The following CLASP1 variants were observed in gnomAD, a reference collection of about 807,000 sequenced individuals.
CLASP1 encodes CLIP-associating protein 1.
A neutral mutation model predicts 192.3 loss-of-function variants in CLASP1; 38 were observed. That is an observed-to-expected ratio of 0.20 (90% CI 0.15 to 0.26). The LOEUF is 0.26. Ranked by LOEUF, CLASP1 falls within the 10% of genes least tolerant of loss-of-function variation. The pLI, the probability that CLASP1 is intolerant of heterozygous loss-of-function variation, is 1.00. For missense variants in CLASP1, 1,433 were observed against 1,932.5 expected, an observed-to-expected ratio of 0.74 and a Z score of 4.85; for synonymous variants, 691 against 712.8, an observed-to-expected ratio of 0.97 and a Z score of 0.49.
exon 39 of CLASP1, chr2:121,347,053 C>T (rs1211675216): frequency 6.4e-7 from 1 of 1,572,524 alleles, no homozygotes. Flanking sequence ...TCCCTGTGAG[C>T]TGTGCAAGGT....
intron 2 of CLASP1, among the ~76,000 whole-genome samples, chr2:121,572,748 G>C (rs899320930): frequency 4.4e-5 from 6 of 137,362 alleles, no homozygotes; most frequent in African/African-American, 2.0e-4. Flanking sequence ...ATATATATAT[G>C]ATAATTTTTT....
chr2:121,532,808 C>T (rs1306305466), intron 2 of CLASP1: 5 of 152,108 alleles, frequency 3.3e-5, no homozygotes, highest in Non-Finnish European at 7.4e-5. Context: ...AATACTGGCT[C>T]ATTAATTGTA....
intron 2 of CLASP1, among the ~76,000 whole-genome samples, chr2:121,562,267 G>A (rs1378508307): frequency 6.6e-6 from 1 of 152,194 alleles, no homozygotes; most frequent in Non-Finnish European, 1.5e-5. Context: ...CTCAGGGCCT[G>A]CCTGTGACCA....
At chr2:121,448,249 G>C in intron 18 of CLASP1, 27 bp downstream of exon 18, 1 of 1,602,684 alleles carries the variant, frequency 6.2e-7, no homozygotes, top group Non-Finnish European at 8.6e-7. Flanking sequence ...GCGGAGAACA[G>C]GCCTTCTCCA....
chr2:121,417,553 C>T (rs564817264), intron 23 of CLASP1, among the ~76,000 whole-genome samples: 1 of 152,252 alleles, frequency 6.6e-6, no homozygotes, highest in South Asian at 2.1e-4. Flanking sequence ...GTAAGGTGCC[C>T]CACTCAAGGG....
intron 39 of CLASP1, 122 bp from the exon 41 acceptor site, chr2:121,341,069 A>G (rs543171061): frequency 1.5e-6 from 1 of 688,796 alleles, no homozygotes; most frequent in African/African-American, 1.8e-5. Flanking sequence ...TTGGTTGAGG[A>G]ATTCATTATA....
intron 2 of CLASP1, among the ~76,000 whole-genome samples, chr2:121,538,967 A>C (rs2095165136): frequency 6.6e-6 from 1 of 152,206 alleles, no homozygotes; most frequent in Non-Finnish European, 1.5e-5. Flanking sequence ...AATCTAGCCA[A>C]AATAAATATC....
At chr2:121,455,723 G>A (rs375418783) in intron 14 of CLASP1, among the ~76,000 whole-genome samples, 114 of 152,272 alleles carry the variant, frequency 7.5e-4, no homozygotes, top group African/African-American at 2.5e-3. Context: ...AGCTGGGGGC[G>A]TGGTGGCGGA....
chr2:121,458,991 G>C lies in CLASP1; in HGVS notation c.1179-16C>G, dbSNP rs932740440. On this transcript the variant is annotated splice_polypyrimidine_tract_variant and intron_variant, in intron 12 of 39. Transcript: ENST00000263710. ...TGACAGATGCCTAAAACAAGAAAAG[G>C]ATACTGGACTATAGTTATTTTTCTT... The C allele has an allele frequency of 6.3e-7, 1 of 1,586,190 alleles. No homozygotes were observed. Among genetic ancestry groups the C allele is most frequent in the Non-Finnish European group, 8.6e-7 (1 of 1,167,134 alleles).
intron 26 of CLASP1, chr2:121,403,412 A>G (rs1227247210): frequency 2.2e-6 from 1 of 456,600 alleles, no homozygotes; most frequent in Non-Finnish European, 4.4e-6. Flanking sequence ...AATTCCTACG[A>G]GGAAGCAAGG....
intron 8 of CLASP1, among the ~76,000 whole-genome samples, chr2:121,478,771 C>CCACACACACCA (rs2092092654): frequency 2.3e-5 from 1 of 44,234 alleles, no homozygotes; most frequent in African/African-American, 7.5e-5. Context: ...ACCACACACC[C>CCACACACACCA]CACACACACA....
At chr2:121,461,263 G>A in intron 10 of CLASP1, 70 bp from the exon 11 acceptor site, 2 of 819,472 alleles carry the variant, frequency 2.4e-6, no homozygotes, top group Non-Finnish European at 3.9e-6. Context: ...TTAATTACAT[G>A]AAGTCAAGAA....
chr2:121,490,147 A>T (rs550097127), intron 8 of CLASP1: 1 of 342,624 alleles, frequency 2.9e-6, no homozygotes, highest in Non-Finnish European at 5.7e-6. Flanking sequence ...AACAACATTC[A>T]TAACAATCTT....
intron 8 of CLASP1, among the ~76,000 whole-genome samples, chr2:121,498,306 T>A (rs1208351096): frequency 6.9e-6 from 1 of 145,254 alleles, no homozygotes; most frequent in Non-Finnish European, 1.5e-5. Flanking sequence ...CAAGCGATCC[T>A]CCCACCTCAG....
chr2:121,482,953 G>A (rs1232009162), intron 8 of CLASP1, among the ~76,000 whole-genome samples: 4 of 152,174 alleles, frequency 2.6e-5, no homozygotes, highest in Admixed American at 1.3e-4. Context: ...AGCTGCTTCT[G>A]CTTCTCCCAC....
At position 121,402,966 on chromosome 2, in the gene CLASP1, C is replaced by T. The variant is rs987405338; in HGVS notation, c.2734-1096G>A. ...CAAGTGATTGCCTCCCAAGTAACTG[C>T]GATTACAGGTGCCCGCCACCATGCC... is the stretch of plus-strand genomic sequence containing the variant. On this transcript the variant is annotated intron_variant, in intron 26 of 39. Transcript: ENST00000263710. Among the ~76,000 whole-genome samples, 6 of 152,074 alleles carry T rather than the reference C, an allele frequency of 3.9e-5. No homozygotes were observed. The South Asian group carries it at 6.2e-4, about 16-fold the overall frequency.
intron 6 of CLASP1, among the ~76,000 whole-genome samples, chr2:121,517,858 C>CTTTTT (rs70954553): frequency 0.029 from 894 of 30,816 alleles, 122 homozygotes; most frequent in African/African-American, 0.049. Flanking sequence ...AAGACTCAAG[C>CTTTTT]TTTTTTTTTT....
chr2:121,417,146 A>T (rs1174020690), intron 23 of CLASP1, among the ~76,000 whole-genome samples: 2 of 152,180 alleles, frequency 1.3e-5, no homozygotes, highest in Non-Finnish European at 2.9e-5. Context: ...AGCTAAGCAG[A>T]TCCATTTAAT....
At chr2:121,478,909 A>ACAC (rs566286567) in intron 8 of CLASP1, among the ~76,000 whole-genome samples, 3 of 16,250 alleles carry the variant, frequency 1.8e-4, no homozygotes, top group African/African-American at 8.1e-4. Context: ...ACCACACCAC[A>ACAC]CACACCACAC....
Sources: allele counts gnomAD v4.1 joint callset (sites outside exome capture counted in the v4.1 genomes callset), GRCh38; gene constraint gnomAD v4.1.1; transcripts MANE v1.5; gene names NCBI Gene and HGNC (gene_info 2026-07-23, HGNC 2026-07-21).